The following DCLK2 variants were observed in gnomAD, a reference collection of about 807,000 sequenced individuals.
DCLK2 encodes serine/threonine-protein kinase DCLK2.
A neutral mutation model predicts 78.4 loss-of-function variants in DCLK2; 31 were observed. That is an observed-to-expected ratio of 0.40 (90% CI 0.30 to 0.53). DCLK2 has a LOEUF of 0.53. Ranked by LOEUF, DCLK2 falls within the 20% of genes least tolerant of loss-of-function variation. DCLK2 has a pLI of 0.61. For synonymous variants in DCLK2, 407 were observed against 374.9 expected (o/e 1.09, Z -0.99); for missense variants, 872 against 973.7 (o/e 0.90, Z 1.39).
chr4:150,187,637 T>C (rs548431655), intron 2 of DCLK2, among the ~76,000 whole-genome samples: 1 of 152,310 alleles, frequency 6.6e-6, no homozygotes, highest in South Asian at 2.1e-4. Context: ...TTGTCTCTTT[T>C]TTCTTCCTTT....
chr4:150,226,399 T>C (rs1199681738), intron 8 of DCLK2, among the ~76,000 whole-genome samples: 1 of 152,158 alleles, frequency 6.6e-6, no homozygotes, highest in Non-Finnish European at 1.5e-5. Flanking sequence ...TTCACTGTAA[T>C]AGCCTTTTCT....
chr4:150,256,028 TCTAGATAAGGAGGGG>T lies in DCLK2; in HGVS notation c.2084_2098del (p.Leu695_Gly699del). The stretch of plus-strand genomic sequence containing the variant: ...TGCTGTTTCCTCCTCAGAACACGGC[TCTAGATAAGGAGGGG>T]CAGATTTTCTGCAGCAAGCACTGTC... On this transcript the variant is annotated inframe_deletion, in exon 16 of 16. Coordinates refer to ENST00000296550, the MANE Select transcript of DCLK2 (RefSeq NM_001040260.4). 1 of 1,611,866 alleles carries T rather than the reference TCTAGATAAGGAGGGG, an allele frequency of 6.2e-7. No individual in the cohort carries two copies. The highest frequency in any genetic ancestry group is 8.5e-7 in the Non-Finnish European group (1 of 1,179,576).
At chr4:150,178,248 TCTAAA>T (rs1424139125) in intron 2 of DCLK2, among the ~76,000 whole-genome samples, 5 of 152,236 alleles carry the variant, frequency 3.3e-5, no homozygotes, top group African/African-American at 4.8e-5. Flanking sequence ...TTTGAATTCT[TCTAAA>T]CTAAGTATTT....
At position 150,253,817 on chromosome 4, in the gene DCLK2, C is replaced by T. The variant is rs991568644; in HGVS notation, c.2074-2203C>T. On this transcript the variant is annotated intron_variant, in intron 15 of 15. Transcript: ENST00000296550. ...GGGAGGAGTCCCATAGTTCTCCTACCGATGCTGTTTCCCACTTAGGTGAAA... is the reference window on the plus strand; with the variant it reads ...GGGAGGAGTCCCATAGTTCTCCTACTGATGCTGTTTCCCACTTAGGTGAAA... 3.2e-5 allele frequency: 32 copies of T among 985,332 alleles called. 1 individual carries two copies. The highest frequency in any genetic ancestry group is 9.4e-5 in the South Asian group (2 of 21,288). The allele number at this position is 985,332 out of a possible 1,614,324, so 61.0% of individuals were successfully genotyped here.
Position 150,153,184 on chromosome 4 carries a change from C to T in DCLK2, c.757-39954C>T, listed in dbSNP as rs571414916. Among the ~76,000 whole-genome samples the T allele has an allele frequency of 1.7e-4, 26 of 152,324 alleles. No homozygotes were observed. The East Asian group carries it at 5.0e-3, about 29-fold the overall frequency. Reference sequence around the variant, plus strand: ...CATTGCAGATCCCACCATTGCTATGCATGCTTGTTTGCCTTTGAGTATGGG... The same window carrying T: ...CATTGCAGATCCCACCATTGCTATGTATGCTTGTTTGCCTTTGAGTATGGG... On this transcript the variant is annotated intron_variant, in intron 2 of 15. Transcript: ENST00000296550.
chr4:150,104,902 A>G (rs531278850), intron 2 of DCLK2, among the ~76,000 whole-genome samples: 2 of 152,266 alleles, frequency 1.3e-5, no homozygotes, highest in Non-Finnish European at 2.9e-5. Flanking sequence ...ACATTCTTCT[A>G]TACATTCTTT....
chr4:150,111,468 G>A (rs990908065), intron 2 of DCLK2, among the ~76,000 whole-genome samples: 18 of 152,146 alleles, frequency 1.2e-4, no homozygotes, highest in Non-Finnish European at 2.2e-4. Flanking sequence ...CTGTGCAGAA[G>A]CTTCTTAGTT....
chr4:150,225,215 C>T (rs963208732), intron 8 of DCLK2, among the ~76,000 whole-genome samples: 2 of 152,200 alleles, frequency 1.3e-5, no homozygotes, highest in East Asian at 1.9e-4. Flanking sequence ...AAGGGAGACT[C>T]ATCTTTGTGT....
rs11309024 is a variant in DCLK2 at position 150,237,107 on chromosome 4, C to CT, written c.1567-2625dup. Among the ~76,000 whole-genome samples, 40 of 151,846 alleles carry CT rather than the reference C, an allele frequency of 2.6e-4. No individual in the cohort carries two copies. The South Asian group carries it at 5.2e-3, about 20-fold the overall frequency. Reference sequence around the variant, plus strand: ...CAAAATAACAGTGACATTAATAAAACTTTTTTTTTTAACTCTCATGATGCA... The same window carrying CT: ...CAAAATAACAGTGACATTAATAAAACTTTTTTTTTTTAACTCTCATGATGCA... On this transcript the variant is annotated intron_variant, in intron 10 of 15. Coordinates refer to ENST00000296550, the MANE Select transcript of DCLK2 (RefSeq NM_001040260.4).
intron 2 of DCLK2, among the ~76,000 whole-genome samples, chr4:150,180,635 G>A (rs28616626): frequency 0.18 from 27,581 of 151,888 alleles, 2,679 homozygotes; most frequent in Non-Finnish European, 0.22. Flanking sequence ...CTATTGGGGC[G>A]CAGAACACAA....
At chr4:150,186,728 G>T (rs1737965072) in intron 2 of DCLK2, among the ~76,000 whole-genome samples, 1 of 152,178 alleles carries the variant, frequency 6.6e-6, no homozygotes. Flanking sequence ...ACTAGGAACA[G>T]TTAAATACGT....
At chr4:150,250,494 C>T (rs998309044) in intron 15 of DCLK2, among the ~76,000 whole-genome samples, 1 of 152,044 alleles carries the variant, frequency 6.6e-6, no homozygotes, top group African/African-American at 2.4e-5. Flanking sequence ...AGGCAGGGAC[C>T]TTGGTTCTCC....
At chr4:150,162,141 C>T (rs1338919634) in intron 2 of DCLK2, among the ~76,000 whole-genome samples, 7 of 152,104 alleles carry the variant, frequency 4.6e-5, no homozygotes. Context: ...GATGATCCTC[C>T]CACCTCAGCC....
At chr4:150,242,929 A>C (rs1453240110) in intron 12 of DCLK2, among the ~76,000 whole-genome samples, 2 of 152,132 alleles carry the variant, frequency 1.3e-5, no homozygotes, top group Middle Eastern at 3.2e-3. Flanking sequence ...CAAGTGGAGA[A>C]GGGGAATGCA....
intron 2 of DCLK2, among the ~76,000 whole-genome samples, chr4:150,137,586 T>C (rs1462562712): frequency 6.6e-6 from 1 of 151,978 alleles, no homozygotes; most frequent in East Asian, 1.9e-4. Context: ...GGAAAATAAA[T>C]GTTGATGAAG....
At chr4:150,129,448 C>T (rs539116817) in intron 2 of DCLK2, among the ~76,000 whole-genome samples, 84 of 152,146 alleles carry the variant, frequency 5.5e-4, no homozygotes, top group African/African-American at 1.9e-3. Context: ...TGGCCAGGCG[C>T]CGTGGCTTAT....
At chr4:150,181,882 C>T (rs1560841940) in intron 2 of DCLK2, among the ~76,000 whole-genome samples, 1 of 152,120 alleles carries the variant, frequency 6.6e-6, no homozygotes, top group Non-Finnish European at 1.5e-5. Flanking sequence ...GCTATTTATG[C>T]TCATTGTACT....
chr4:150,204,629 C>T (rs560564888), intron 5 of DCLK2, among the ~76,000 whole-genome samples: 1 of 152,250 alleles, frequency 6.6e-6, no homozygotes, highest in East Asian at 1.9e-4. Context: ...TGATGGCTCA[C>T]GCCTGTAATC....
rs1198111607 is a variant in DCLK2 at position 150,078,769 on chromosome 4, C to G, written c.-259C>G. 1 of 342,774 alleles carries G rather than the reference C, an allele frequency of 2.9e-6. No individual in the cohort carries two copies. The highest frequency in any genetic ancestry group is 5.2e-6 in the Non-Finnish European group (1 of 193,158). The allele number at this position is 342,774 out of a possible 1,614,324, so 21.2% of individuals were successfully genotyped here. On this transcript the variant is annotated 5_prime_UTR_variant, in exon 1 of 16. Coordinates refer to ENST00000296550, the MANE Select transcript of DCLK2 (RefSeq NM_001040260.4). ...AGGCGCTTGCGGGGGCGTGGGGCTC[C>G]CCGGCAGGCGGGAGGCACGGAGCAA...
Sources: allele counts gnomAD v4.1 joint callset (sites outside exome capture counted in the v4.1 genomes callset), GRCh38; gene constraint gnomAD v4.1.1; transcripts MANE v1.5; gene names NCBI Gene and HGNC (gene_info 2026-07-23, HGNC 2026-07-21).